Variants in EFR3B observed in about 807,000 individuals in gnomAD.
EFR3B encodes protein EFR3 homolog B.
EFR3B carries 64 observed loss-of-function variants against 104.7 expected under a neutral mutation model. The observed-to-expected ratio is 0.61, with a 90% CI of 0.50 to 0.75. EFR3B has a LOEUF of 0.75. Ranked by LOEUF, EFR3B falls within the 30% of genes least tolerant of loss-of-function variation. The pLI is 0.00. For missense variants in EFR3B, 750 were observed against 1,078.5 expected, an observed-to-expected ratio of 0.70 and a Z score of 4.27; for synonymous variants, 385 against 417.9, an observed-to-expected ratio of 0.92 and a Z score of 0.96.
In EFR3B at chr2:25,128,216, G is replaced by A. The variant is rs1242094777; in HGVS notation, c.519G>A (p.Gly173=). 1.3e-6 allele frequency: 2 copies of A among 1,551,666 alleles called. No homozygotes were observed. The highest frequency in any genetic ancestry group is 2.7e-5 in the African/African-American group (2 of 73,048). ...TGTCAGGCATCAAAGGCCTGCAAGG[G>A]GTGGTGAGGAAGACGGTGAATGATG... ...IRMSGIKGLQ[G]VVRKTVNDEL... Residue 173 remains glycine, a synonymous_variant, in exon 6 of 23, where the codon GGG becomes GGA. Transcript: ENST00000403714.
At position 25,079,354 on chromosome 2, in the gene EFR3B, T is replaced by C. The variant is rs577514378; in HGVS notation, c.8-11971T>C. ...AACTTGGGAAATTGTTAGAGATATA[T>C]TTTTTGGAAAGTGATGGAAGAATTA... On this transcript the variant is annotated intron_variant, in intron 1 of 22. Transcript: ENST00000403714. Among the ~76,000 whole-genome samples the C allele has an allele frequency of 2.0e-5, 3 of 152,248 alleles. No individual in the cohort carries two copies. The South Asian group carries it at 6.2e-4, about 32-fold the overall frequency.
intron 17 of EFR3B, among the ~76,000 whole-genome samples, chr2:25,142,761 AAATAAT>A (rs1191621627): frequency 1.5e-5 from 2 of 129,292 alleles, no homozygotes; most frequent in African/African-American, 5.9e-5. Context: ...TTGGTCTAAG[AAATAAT>A]AATAATAATA....
At chr2:25,052,733 G>A (rs1667911914) in intron 1 of EFR3B, among the ~76,000 whole-genome samples, 1 of 151,312 alleles carries the variant, frequency 6.6e-6, no homozygotes, top group Non-Finnish European at 1.5e-5. Flanking sequence ...TTGAACTCCT[G>A]ACCTTGTGAT....
chr2:25,083,904 C>T (rs544726858), intron 1 of EFR3B, among the ~76,000 whole-genome samples: 5 of 152,310 alleles, frequency 3.3e-5, no homozygotes, highest in Admixed American at 6.5e-5. Context: ...CCAAGGGACA[C>T]GTGCACTCTA....
intron 4 of EFR3B, among the ~76,000 whole-genome samples, chr2:25,113,607 G>T (rs531453917): frequency 9.3e-5 from 14 of 151,284 alleles, no homozygotes. Context: ...GGTGGAGCTT[G>T]CAGCGAGCCG....
Position 25,131,923 on chromosome 2 carries a change from G to T in EFR3B, c.1147+12G>T. 6.7e-7 allele frequency: 1 copy of T among 1,492,292 alleles called. No individual in the cohort carries two copies. The highest frequency in any genetic ancestry group is 8.9e-7 in the Non-Finnish European group (1 of 1,120,536). The allele number at this position is 1,492,292 out of a possible 1,614,324, so 92.4% of individuals were successfully genotyped here. On this transcript the variant is annotated intron_variant, in intron 10 of 22. Coordinates refer to ENST00000403714, the MANE Select transcript of EFR3B (RefSeq NM_014971.2). This position sits in a 1 kb window ranked among gnomAD's most constrained non-coding sequence, Gnocchi z 7.6. ...CATCAAGACCGTGGGTGCGGCGCGGGGCCGGGCCGGGGCGGGGCGGGGCCG... is the reference window on the plus strand; with the variant it reads ...CATCAAGACCGTGGGTGCGGCGCGGTGCCGGGCCGGGGCGGGGCGGGGCCG...
Position 25,154,125 on chromosome 2 carries a change from G to C in EFR3B, c.2349-110G>C. On this transcript the variant is annotated intron_variant, in intron 22 of 22. Transcript: ENST00000403714. The surrounding 1 kb of genome is among the most constrained non-coding windows in gnomAD (Gnocchi z 4.1). ...GAACCTGTGGAATGAAGGGGTCTCTGGTGCCTGTGCAAAAAGAAACCCAAG... is the reference window on the plus strand; with the variant it reads ...GAACCTGTGGAATGAAGGGGTCTCTCGTGCCTGTGCAAAAAGAAACCCAAG... The C allele has an allele frequency of 1.1e-6, 1 of 912,224 alleles. No individual in the cohort carries two copies. The highest frequency in any genetic ancestry group is 1.7e-6 in the Non-Finnish European group (1 of 592,484). The allele number at this position is 912,224 out of a possible 1,614,324, so 56.5% of individuals were successfully genotyped here.
At chr2:25,119,560 G>A (rs1039600190) in intron 4 of EFR3B, among the ~76,000 whole-genome samples, 16 of 152,248 alleles carry the variant, frequency 1.1e-4, no homozygotes, top group African/African-American at 3.9e-4. Context: ...CGATGATCTT[G>A]TGATCACGTG....
intron 5 of EFR3B, 32 bp downstream of exon 5, chr2:25,121,826 A>T: frequency 6.4e-7 from 1 of 1,551,654 alleles, no homozygotes; most frequent in South Asian, 1.2e-5. Flanking sequence ...TAGTTGGTTC[A>T]GCTTACAGCA....
intron 19 of EFR3B, 49 bp downstream of exon 19, chr2:25,145,100 G>GGAGTCCT: frequency 6.6e-7 from 1 of 1,505,268 alleles, no homozygotes; most frequent in Non-Finnish European, 9.1e-7. Context: ...CCTGTAGATT[G>GGAGTCCT]GACGCTGGAC....
intron 1 of EFR3B, among the ~76,000 whole-genome samples, chr2:25,070,561 C>T (rs754633882): frequency 1.3e-5 from 2 of 152,216 alleles, no homozygotes; most frequent in African/African-American, 2.4e-5. Flanking sequence ...CCGCATCCTA[C>T]TGGCTTCTGA....
intron 18 of EFR3B, 101 bp downstream of exon 18, chr2:25,143,963 G>C: frequency 7.0e-7 from 1 of 1,431,364 alleles, no homozygotes; most frequent in South Asian, 1.5e-5. Flanking sequence ...TTGCCTGTGA[G>C]GCACCTTGGA....
intron 3 of EFR3B, among the ~76,000 whole-genome samples, chr2:25,102,376 C>T (rs1194589815): frequency 6.6e-6 from 1 of 152,070 alleles, no homozygotes; most frequent in African/African-American, 2.4e-5. Context: ...TGAAGAAATA[C>T]CCAAGACTGG....
intron 1 of EFR3B, among the ~76,000 whole-genome samples, chr2:25,088,152 G>A (rs1669012286): frequency 6.6e-6 from 1 of 152,072 alleles, no homozygotes; most frequent in South Asian, 2.1e-4. Flanking sequence ...TCCACTAGTG[G>A]CCTTCCAATG....
intron 3 of EFR3B, among the ~76,000 whole-genome samples, chr2:25,098,468 A>T (rs180983594): frequency 2.6e-5 from 4 of 152,142 alleles, no homozygotes; most frequent in Admixed American, 2.6e-4. Flanking sequence ...CACCCGCCCC[A>T]GATCAGATCT....
At chr2:25,052,750 G>A (rs377210559) in intron 1 of EFR3B, among the ~76,000 whole-genome samples, 8 of 151,052 alleles carry the variant, frequency 5.3e-5, no homozygotes, top group African/African-American at 1.9e-4. Flanking sequence ...TGATCTGCCC[G>A]CCTTGGCCTC....
chr2:25,092,987 C>A lies in EFR3B; in HGVS notation c.85-16C>A, dbSNP rs768218766. The A allele has an allele frequency of 1.3e-6, 2 of 1,541,554 alleles. No homozygotes were observed. The highest frequency in any genetic ancestry group is 1.7e-6 in the Non-Finnish European group (2 of 1,146,798). On this transcript the variant is annotated splice_polypyrimidine_tract_variant and intron_variant, in intron 2 of 22. Coordinates refer to ENST00000403714, the MANE Select transcript of EFR3B (RefSeq NM_014971.2). Reference sequence around the variant, plus strand: ...ATAGTGTGGCCATAGTGAGCACAAGCTGTTTTCTCCTACAGGATGGTCTGG... The same window carrying A: ...ATAGTGTGGCCATAGTGAGCACAAGATGTTTTCTCCTACAGGATGGTCTGG...
chr2:25,146,924 T>C (rs1044237209), intron 19 of EFR3B: 3 of 152,360 alleles, frequency 2.0e-5, no homozygotes, highest in African/African-American at 4.8e-5. Flanking sequence ...CAGCCATGCA[T>C]AGTCTGGGCT....
intron 1 of EFR3B, among the ~76,000 whole-genome samples, chr2:25,087,743 G>T (rs993354161): frequency 6.6e-6 from 1 of 152,174 alleles, no homozygotes; most frequent in Non-Finnish European, 1.5e-5. Flanking sequence ...AAAGTGCCAG[G>T]ATTACAGGCT....
Sources: gnomAD v4.1 joint callset for allele counts (sites outside exome capture counted in the v4.1 genomes callset) on GRCh38, gnomAD v4.1.1 for gene constraint, Gnocchi (gnomAD v3.1) non-coding constraint, MANE v1.5 for transcripts, NCBI Gene and HGNC (gene_info 2026-07-23, HGNC 2026-07-21) for gene names.